KDM4C: variants seen among roughly 807,000 people sequenced by gnomAD.
KDM4C encodes the protein lysine-specific demethylase 4C.
In KDM4C, 81 loss-of-function variants were observed where a neutral mutation model predicts 129.3. The observed-to-expected ratio is 0.63, with a 90% CI of 0.52 to 0.75. KDM4C has a LOEUF of 0.75. KDM4C is among the 30% of genes least tolerant of loss of function. The pLI is 0.00. For synonymous variants in KDM4C, 573 were observed against 456.1 expected, an observed-to-expected ratio of 1.26 and a Z score of -3.26; for missense variants, 1,457 against 1,304.0, an observed-to-expected ratio of 1.12 and a Z score of -1.81.
At chr9:6,943,535 C>G (rs1826339144) in intron 8 of KDM4C, among the ~76,000 whole-genome samples, 1 of 151,988 alleles carries the variant, frequency 6.6e-6, no homozygotes, top group African/African-American at 2.4e-5. Context: ...GTTAGCTGAG[C>G]ATGGTGGCGT....
At chr9:6,766,222 A>C (rs544112503) in intron 1 of KDM4C, among the ~76,000 whole-genome samples, 1 of 152,344 alleles carries the variant, frequency 6.6e-6, no homozygotes, top group East Asian at 1.9e-4. Context: ...CTATAGTTAC[A>C]ACTGAGCATC....
intron 7 of KDM4C, among the ~76,000 whole-genome samples, chr9:6,892,249 C>G (rs1313861640): frequency 6.6e-6 from 1 of 152,058 alleles, no homozygotes; most frequent in Non-Finnish European, 1.5e-5. Flanking sequence ...TAATCCAAAA[C>G]AAATATATTA....
At chr9:7,117,670 G>A (rs1839059378) in intron 18 of KDM4C, among the ~76,000 whole-genome samples, 1 of 131,156 alleles carries the variant, frequency 7.6e-6, no homozygotes, top group Admixed American at 7.3e-5. Context: ...CACACACACT[G>A]CTGTTAATGA....
At chr9:7,121,007 A>G (rs1313371072) in intron 18 of KDM4C, among the ~76,000 whole-genome samples, 1 of 152,260 alleles carries the variant, frequency 6.6e-6, no homozygotes, top group African/African-American at 2.4e-5. Flanking sequence ...AGAGAAACAC[A>G]TAAAGAAGTA....
chr9:7,163,404 C>T (rs946848057), intron 19 of KDM4C, among the ~76,000 whole-genome samples: 2 of 152,056 alleles, frequency 1.3e-5, no homozygotes, highest in Admixed American at 6.6e-5. Flanking sequence ...ATACAGTCTC[C>T]TTCAGAATTC....
Position 7,007,095 on chromosome 9 carries a change from G to T in KDM4C, c.1787-4603G>T, listed in dbSNP as rs998489179. On this transcript the variant is annotated intron_variant, in intron 12 of 21. Transcript: ENST00000381309. ...CCATTTCCACCTCACAGTAGTGTTT[G>T]TTTAGGCGCTAGCCCTCTTACATAG... 2.0e-5 allele frequency among the ~76,000 whole-genome samples: 3 copies of T among 152,212 alleles called. No individual in the cohort carries two copies. The East Asian group carries it at 5.8e-4, about 29-fold the overall frequency.
In KDM4C at chr9:6,895,099, C is replaced by CT. The variant is rs1846654847; in HGVS notation, c.921+1867_921+1868insT. Among the ~76,000 whole-genome samples, 17 of 152,208 alleles carry CT rather than the reference C, an allele frequency of 1.1e-4. No individual in the cohort carries two copies. The South Asian group carries it at 3.5e-3, about 32-fold the overall frequency. On this transcript the variant is annotated intron_variant, in intron 8 of 21. Transcript: ENST00000381309. ...GAGATTTTTTCAGTGTTATGGCCAC[C>CT]CCTTACTTCCTTTGGCCAGGTGATG... is the stretch of plus-strand genomic sequence containing the variant.
chr9:6,726,954 C>G (rs1310560232), intron 1 of KDM4C: 3 of 152,056 alleles, frequency 2.0e-5, no homozygotes, highest in Admixed American at 6.6e-5. Flanking sequence ...AGGCTGGTCT[C>G]AAACTCCTGA....
chr9:6,871,013 C>G (rs1054021208), intron 5 of KDM4C, among the ~76,000 whole-genome samples: 1 of 152,210 alleles, frequency 6.6e-6, no homozygotes, highest in African/African-American at 2.4e-5. Context: ...CTGCCTGTGA[C>G]AGCCCTGTGA....
chr9:6,767,996 T>A (rs1212927189), intron 1 of KDM4C, among the ~76,000 whole-genome samples: 3 of 152,156 alleles, frequency 2.0e-5, no homozygotes, highest in African/African-American at 7.2e-5. Context: ...ATACAAGGTA[T>A]GTAACAAGAT....
chr9:6,936,283 C>T (rs555471114), intron 8 of KDM4C, among the ~76,000 whole-genome samples: 17 of 152,266 alleles, frequency 1.1e-4, no homozygotes, highest in African/African-American at 3.9e-4. Context: ...AAAGATACTA[C>T]CCCATGCAGA....
At position 6,913,038 on chromosome 9, in the gene KDM4C, C is replaced by T. The variant is rs139694294; in HGVS notation, c.921+19806C>T. On this transcript the variant is annotated intron_variant, in intron 8 of 21. Coordinates refer to ENST00000381309, the MANE Select transcript of KDM4C (RefSeq NM_015061.6). The stretch of plus-strand genomic sequence containing the variant: ...AATAAAAAGCAAAGAAAATACTGGT[C>T]GTATCAGTCCTCCCTGGAATCAGTG... Among the ~76,000 whole-genome samples, 36 of 152,152 alleles carry T rather than the reference C, an allele frequency of 2.4e-4. No individual in the cohort carries two copies. In the East Asian group the frequency reaches 6.0e-3, roughly 25 times the overall value.
chr9:6,913,718 A>T (rs914295708), intron 8 of KDM4C, among the ~76,000 whole-genome samples: 1 of 152,122 alleles, frequency 6.6e-6, no homozygotes, highest in Non-Finnish European at 1.5e-5. Flanking sequence ...GACAGTTTCT[A>T]CTCTATTATG....
intron 18 of KDM4C, among the ~76,000 whole-genome samples, chr9:7,106,680 A>G (rs548904705): frequency 2.5e-4 from 38 of 152,284 alleles, no homozygotes; most frequent in Admixed American, 7.2e-4. Flanking sequence ...ATATATTTTT[A>G]AAATAGTTCT....
chr9:6,802,380 G>T (rs1374458784), intron 2 of KDM4C, among the ~76,000 whole-genome samples: 1 of 152,156 alleles, frequency 6.6e-6, no homozygotes, highest in Non-Finnish European at 1.5e-5. Context: ...TATCCTATGT[G>T]TCAGTAATTT....
chr9:6,931,404 G>C (rs1250456910), intron 8 of KDM4C, among the ~76,000 whole-genome samples: 2 of 151,984 alleles, frequency 1.3e-5, no homozygotes, highest in Non-Finnish European at 2.9e-5. Context: ...GACATTTTAT[G>C]TACTTAAAGA....
chr9:6,913,866 A>G (rs1385777621), intron 8 of KDM4C, among the ~76,000 whole-genome samples: 1 of 152,222 alleles, frequency 6.6e-6, no homozygotes, highest in Non-Finnish European at 1.5e-5. Flanking sequence ...GTTTTAATGG[A>G]CACATATTAC....
chr9:6,913,235 C>T (rs369162180), intron 8 of KDM4C, among the ~76,000 whole-genome samples: 56 of 151,828 alleles, frequency 3.7e-4, no homozygotes, highest in South Asian at 1.2e-3. Context: ...AATTAGCTAC[C>T]CAGGGATATG....
intron 4 of KDM4C, among the ~76,000 whole-genome samples, chr9:6,819,727 T>C (rs561103494): frequency 1.3e-5 from 2 of 152,156 alleles, no homozygotes; most frequent in Non-Finnish European, 2.9e-5. Flanking sequence ...TTAAAGGGCA[T>C]GATGTAGAGT....
Sources: gnomAD v4.1 joint callset for allele counts (sites outside exome capture counted in the v4.1 genomes callset) on GRCh38, gnomAD v4.1.1 for gene constraint, MANE v1.5 for transcripts, NCBI Gene and HGNC (gene_info 2026-07-23, HGNC 2026-07-21) for gene names.